The following HDAC4 variants were observed in gnomAD, a reference collection of about 807,000 sequenced individuals.
The protein encoded by HDAC4 is histone deacetylase A.
A neutral mutation model predicts 135.1 loss-of-function variants in HDAC4; 16 were observed. The observed-to-expected ratio is 0.12, with a 90% CI of 0.08 to 0.18. The LOEUF is 0.18. Among genes scored for constraint, HDAC4 ranks in the 10% least tolerant of loss-of-function variants. The pLI is 1.00. For synonymous variants in HDAC4, 685 were observed against 653.4 expected (o/e 1.05, Z -0.74); for missense variants, 1,143 against 1,511.8 (o/e 0.76, Z 4.05).
At chr2:239,065,105 G>A (rs1336913332) in intron 24 of HDAC4, among the ~76,000 whole-genome samples, 2 of 152,214 alleles carry the variant, frequency 1.3e-5, no homozygotes, top group Non-Finnish European at 2.9e-5. Context: ...GGAGTGAGCA[G>A]GGCCAGCTTT....
At chr2:239,345,551 AACAC>A (rs146766615) in intron 2 of HDAC4, among the ~76,000 whole-genome samples, 4 of 150,572 alleles carry the variant, frequency 2.7e-5, no homozygotes, top group Non-Finnish European at 5.9e-5. Context: ...GACCCTGTCT[AACAC>A]ACACACACAC....
At chr2:239,131,191 G>A (rs1456029324) in intron 11 of HDAC4, among the ~76,000 whole-genome samples, 1 of 152,228 alleles carries the variant, frequency 6.6e-6, no homozygotes, top group East Asian at 1.9e-4. Context: ...CTGACTGGAG[G>A]TATGTGGCGT....
chr2:239,310,481 C>CG (rs1483854096), intron 2 of HDAC4, among the ~76,000 whole-genome samples: 2 of 152,192 alleles, frequency 1.3e-5, no homozygotes, highest in East Asian at 1.9e-4. Context: ...GTGATGTTCC[C>CG]GGGGGGATGG....
intron 3 of HDAC4, among the ~76,000 whole-genome samples, chr2:239,225,449 G>T (rs2047181652): frequency 6.6e-6 from 1 of 152,250 alleles, no homozygotes; most frequent in Non-Finnish European, 1.5e-5. Context: ...GATCCACGAA[G>T]GCAGAAGTCG....
intron 2 of HDAC4, among the ~76,000 whole-genome samples, chr2:239,305,873 G>C (rs889455718): frequency 6.6e-6 from 1 of 152,322 alleles, no homozygotes; most frequent in East Asian, 1.9e-4. Flanking sequence ...GACTGGGAAC[G>C]AGGCTGCCGC....
At chr2:239,140,743 G>A (rs1363557468) in intron 8 of HDAC4, 14 of 285,616 alleles carry the variant, frequency 4.9e-5, no homozygotes. Flanking sequence ...GGCCCTGGAG[G>A]GGAGGTTAAG....
chr2:239,130,613 C>T (rs1406194453), intron 11 of HDAC4, among the ~76,000 whole-genome samples: 1 of 139,266 alleles, frequency 7.2e-6, no homozygotes, highest in Non-Finnish European at 1.7e-5. Flanking sequence ...AGGGCCACCT[C>T]CACGAGGCAT....
intron 2 of HDAC4, among the ~76,000 whole-genome samples, chr2:239,258,532 T>C (rs573858433): frequency 2.0e-5 from 3 of 152,346 alleles, no homozygotes; most frequent in African/African-American, 7.2e-5. Context: ...TTAGAAGTAC[T>C]AGAAGATGGT....
chr2:239,138,576 C>T (rs186005130), intron 9 of HDAC4, among the ~76,000 whole-genome samples: 5 of 152,372 alleles, frequency 3.3e-5, no homozygotes, highest in Middle Eastern at 3.4e-3. Flanking sequence ...CAGCTCAACT[C>T]ATCAGAAAAC....
intron 2 of HDAC4, among the ~76,000 whole-genome samples, chr2:239,342,190 C>T (rs1054281652): frequency 1.3e-5 from 2 of 151,764 alleles, no homozygotes; most frequent in African/African-American, 4.8e-5. Context: ...AAGCAATCTT[C>T]TAAGAAAATG....
At chr2:239,168,603 G>C (rs2043254532) in intron 5 of HDAC4, among the ~76,000 whole-genome samples, 2 of 152,244 alleles carry the variant, frequency 1.3e-5, no homozygotes, top group African/African-American at 4.8e-5. Context: ...TGTGCACCGT[G>C]TTTTCAAATG....
chr2:239,172,318 A>G (rs2043505794), intron 5 of HDAC4, among the ~76,000 whole-genome samples: 1 of 148,670 alleles, frequency 6.7e-6, no homozygotes, highest in Admixed American at 6.7e-5. Flanking sequence ...ATATATATAT[A>G]TCACTAAAAA....
At chr2:239,232,095 C>T (rs1198322396) in intron 3 of HDAC4, among the ~76,000 whole-genome samples, 7 of 152,218 alleles carry the variant, frequency 4.6e-5, no homozygotes, top group African/African-American at 7.2e-5. Context: ...GGCTGCTGAG[C>T]GCCTGCAAGG....
intron 3 of HDAC4, among the ~76,000 whole-genome samples, chr2:239,214,756 T>TTTTAGAACA (rs1426160111): frequency 2.6e-5 from 4 of 152,226 alleles, no homozygotes; most frequent in African/African-American, 9.6e-5. Flanking sequence ...TTTACCAAGA[T>TTTTAGAACA]TTTAGAACAT....
intron 5 of HDAC4, among the ~76,000 whole-genome samples, chr2:239,166,460 C>T (rs1258890601): frequency 6.6e-6 from 1 of 152,198 alleles, no homozygotes; most frequent in Non-Finnish European, 1.5e-5. Context: ...TAAGTTGTGA[C>T]TGCGGTGAGC....
At chr2:239,132,981 G>A (rs890450315) in intron 11 of HDAC4, among the ~76,000 whole-genome samples, 1 of 150,774 alleles carries the variant, frequency 6.6e-6, no homozygotes, top group African/African-American at 2.4e-5. Flanking sequence ...TGCCACTGTG[G>A]CCGCAGCTCA....
intron 12 of HDAC4, among the ~76,000 whole-genome samples, chr2:239,124,148 G>A (rs904446763): frequency 2.6e-5 from 4 of 152,114 alleles, no homozygotes; most frequent in African/African-American, 9.7e-5. Flanking sequence ...CAGCTTTACT[G>A]GGATATAATT....
At chr2:239,320,872 C>A (rs2053285431) in intron 2 of HDAC4, among the ~76,000 whole-genome samples, 1 of 152,166 alleles carries the variant, frequency 6.6e-6, no homozygotes, top group Non-Finnish European at 1.5e-5. Context: ...ACTACATATT[C>A]TCTCCAACTT....
At chr2:239,255,289 T>C (rs985289632) in intron 2 of HDAC4, among the ~76,000 whole-genome samples, 8 of 135,582 alleles carry the variant, frequency 5.9e-5, no homozygotes, top group Admixed American at 3.1e-4. Flanking sequence ...TAATCTTGTT[T>C]TCTCACTGTG....
Sources: allele counts gnomAD v4.1 joint callset (sites outside exome capture counted in the v4.1 genomes callset), GRCh38; gene constraint gnomAD v4.1.1; transcripts MANE v1.5; gene names NCBI Gene and HGNC (gene_info 2026-07-23, HGNC 2026-07-21).